Variants in XCR1 observed in about 807,000 individuals in gnomAD.
XCR1 encodes the protein chemokine XC receptor 1.
For missense variants in XCR1, 356 were observed against 424.2 expected (o/e 0.84, Z 1.41); for synonymous variants, 187 against 188.5 (o/e 0.99, Z 0.06).
intron 1 of XCR1, among the ~76,000 whole-genome samples, chr3:46,079,287 A>G (rs1304445502): frequency 1.3e-5 from 2 of 152,190 alleles, no homozygotes; most frequent in Non-Finnish European, 2.9e-5. Context: ...AATGGCCAAA[A>G]TGTGGGTCTT....
At chr3:46,022,062 G>T in intron 1 of XCR1, 84 bp from the exon 2 acceptor site, 1 of 1,227,006 alleles carries the variant, frequency 8.1e-7, no homozygotes, top group South Asian at 1.5e-5. Context: ...ACTTTGGAAA[G>T]GCCAAAGGGA....
At chr3:46,074,271 T>C (rs1041428837) in intron 3 of XCR1, among the ~76,000 whole-genome samples, 1 of 141,470 alleles carries the variant, frequency 7.1e-6, no homozygotes, top group African/African-American at 2.7e-5. Context: ...TTGCCCAGGC[T>C]AGAGTGCAAT....
chr3:46,039,148 C>A (rs755221514), intron 5 of XCR1, among the ~76,000 whole-genome samples: 6 of 149,490 alleles, frequency 4.0e-5, no homozygotes, highest in Non-Finnish European at 7.4e-5. Context: ...ATCTAGAAAC[C>A]AATCTTGGAA....
intron 5 of XCR1, among the ~76,000 whole-genome samples, chr3:46,037,047 C>T (rs572286134): frequency 2.6e-5 from 4 of 152,122 alleles, no homozygotes; most frequent in Admixed American, 1.3e-4. Context: ...GTTATGATAT[C>T]GGGAAATATA....
At chr3:46,054,557 C>G (rs1242234548) in intron 4 of XCR1, among the ~76,000 whole-genome samples, 1 of 145,254 alleles carries the variant, frequency 6.9e-6, no homozygotes, top group African/African-American at 2.8e-5. Flanking sequence ...GAGGGGGGGG[C>G]GAGTGTGATG....
At chr3:46,055,000 T>C (rs1020703412) in intron 4 of XCR1, among the ~76,000 whole-genome samples, 1 of 152,188 alleles carries the variant, frequency 6.6e-6, no homozygotes, top group African/African-American at 2.4e-5. Flanking sequence ...AAGGCATATG[T>C]AACTCAGGGT....
chr3:46,056,016 G>T (rs374687802), intron 4 of XCR1, among the ~76,000 whole-genome samples: 1 of 152,184 alleles, frequency 6.6e-6, no homozygotes, highest in African/African-American at 2.4e-5. Context: ...CTAGGGCTTG[G>T]TTTAAGGGGA....
intron 3 of XCR1, among the ~76,000 whole-genome samples, chr3:46,072,580 A>G (rs1479349390): frequency 2.6e-5 from 4 of 152,194 alleles, no homozygotes; most frequent in African/African-American, 9.6e-5. Context: ...AGAGCTCTAC[A>G]AGAAAAGCAG....
intron 5 of XCR1, among the ~76,000 whole-genome samples, chr3:46,053,109 C>T (rs61398108): frequency 0.014 from 2,080 of 152,292 alleles, 49 homozygotes; most frequent in African/African-American, 0.047. Context: ...GTCAGATATG[C>T]GCTAGCAGAC....
intron 4 of XCR1, among the ~76,000 whole-genome samples, chr3:46,062,695 G>A (rs1027313117): frequency 6.6e-6 from 1 of 152,222 alleles, no homozygotes; most frequent in Non-Finnish European, 1.5e-5. Context: ...CAGGAGCTCA[G>A]GGCCATTCTG....
At chr3:46,065,084 C>A (rs1485920138) in intron 4 of XCR1, among the ~76,000 whole-genome samples, 3 of 151,712 alleles carry the variant, frequency 2.0e-5, no homozygotes, top group African/African-American at 7.3e-5. Context: ...AGAGAAAAAC[C>A]CTGTCTCAAA....
At chr3:46,044,794 C>A (rs763187438) in intron 5 of XCR1, among the ~76,000 whole-genome samples, 8 of 152,160 alleles carry the variant, frequency 5.3e-5, no homozygotes, top group Non-Finnish European at 7.4e-5. Context: ...TACCAAAACT[C>A]ACACAAGGAG....
chr3:46,077,480 T>C (rs892008280), intron 1 of XCR1, among the ~76,000 whole-genome samples: 2 of 152,040 alleles, frequency 1.3e-5, no homozygotes, highest in African/African-American at 4.8e-5. Context: ...TTCTACATTA[T>C]GGTGAGTCAT....
In XCR1 at chr3:46,053,961, T is replaced by C. The variant is rs186280704; in HGVS notation, c.-73A>G. On this transcript the variant is annotated 5_prime_UTR_variant, in exon 5 of 6. Coordinates refer to the XCR1 transcript ENST00000683768. ...GCTGGCAGACTCATCCCGGGCTCCC[T>C]GTTCGCCTTGTCAGTTTCAGTTCCT... is the stretch of plus-strand genomic sequence containing the variant. Among the ~76,000 whole-genome samples the C allele has an allele frequency of 1.0e-3, 152 of 149,636 alleles. 4 individuals carry two copies. Among genetic ancestry groups the C allele is most frequent in the African/African-American group, 3.6e-3 (141 of 39,128 alleles).
chr3:46,028,221 C>T (rs1708334587), upstream of XCR1, among the ~76,000 whole-genome samples: 1 of 152,076 alleles, frequency 6.6e-6, no homozygotes, highest in South Asian at 2.1e-4. Flanking sequence ...GAACTTGGAG[C>T]TCACCAGTGG....
upstream of XCR1, among the ~76,000 whole-genome samples, chr3:46,031,691 C>T (rs982038231): frequency 2.0e-5 from 3 of 152,228 alleles, no homozygotes; most frequent in Admixed American, 2.0e-4. Context: ...GGCTGACAGT[C>T]CCACGAACCA....
At chr3:46,066,100 T>C (rs1342030537) in intron 4 of XCR1, among the ~76,000 whole-genome samples, 1 of 151,518 alleles carries the variant, frequency 6.6e-6, no homozygotes, top group African/African-American at 2.4e-5. Context: ...AAGCACAGAG[T>C]GTGTTGTGAT....
chr3:46,064,003 G>C (rs190238715), intron 4 of XCR1, among the ~76,000 whole-genome samples: 1 of 152,076 alleles, frequency 6.6e-6, no homozygotes, highest in Non-Finnish European at 1.5e-5. Context: ...CTCCCTAGTA[G>C]CTGGGACTAA....
intron 4 of XCR1, among the ~76,000 whole-genome samples, chr3:46,066,387 G>A (rs933364191): frequency 3.9e-5 from 6 of 152,190 alleles, no homozygotes; most frequent in African/African-American, 1.4e-4. Context: ...TGAGACTACA[G>A]GCACGCACCA....
Sources: gnomAD v4.1 joint callset for allele counts (sites outside exome capture counted in the v4.1 genomes callset) on GRCh38, gnomAD v4.1.1 for gene constraint, MANE v1.5 for transcripts, NCBI Gene and HGNC (gene_info 2026-07-23, HGNC 2026-07-21) for gene names.